The following ABR variants were observed in gnomAD, a reference collection of about 807,000 sequenced individuals.
ABR encodes the protein ABR activator of RhoGEF and GTPase, also known as active breakpoint cluster region-related protein.
ABR carries 35 observed loss-of-function variants against 107.2 expected under a neutral mutation model. That is an observed-to-expected ratio of 0.33 (90% CI 0.25 to 0.43). The LOEUF (loss-of-function observed/expected upper bound fraction) is 0.43, where lower values mean the gene tolerates loss of function less well. Ranked by LOEUF, ABR falls within the 20% of genes least tolerant of loss-of-function variation. ABR has a pLI of 1.00. For missense variants in ABR, 815 were observed against 1,115.2 expected, an observed-to-expected ratio of 0.73 and a Z score of 3.83; for synonymous variants, 498 against 462.0, an observed-to-expected ratio of 1.08 and a Z score of -1.00.
At chr17:1,083,682 A>C (rs2036412416) in intron 4 of ABR, 55 bp from the exon 5 acceptor site, 1 of 1,390,888 alleles carries the variant, frequency 7.2e-7, no homozygotes, top group African/African-American at 1.4e-5. Context: ...GGAGAGGATT[A>C]ATGAATGGAT....
At position 1,050,926 on chromosome 17, in the gene ABR, C is replaced by T. The variant is rs1391103325; in HGVS notation, c.1562-292G>A. ...CCCTCCCCACACTCTGCCCTTCCCA[C>T]CTCGGCCCTCCCCACACTCTGGCCT... On this transcript the variant is annotated intron_variant, in intron 14 of 22. Transcript: ENST00000302538. The surrounding 1 kb of genome is among the most constrained non-coding windows in gnomAD (Gnocchi z 4.6). Among the ~76,000 whole-genome samples, 1 of 148,852 alleles carries T rather than the reference C, an allele frequency of 6.7e-6. No individual in the cohort carries two copies. Among genetic ancestry groups the T allele is most frequent in the Admixed American group, 6.6e-5 (1 of 15,084 alleles).
intron 16 of ABR, among the ~76,000 whole-genome samples, chr17:1,043,910 CG>C (rs796354222): frequency 2.9e-4 from 44 of 152,218 alleles, no homozygotes; most frequent in African/African-American, 1.0e-3. Context: ...GGCCGGGGGG[CG>C]GGCAGGGGGT....
intron 2 of ABR, among the ~76,000 whole-genome samples, chr17:1,101,942 C>G (rs765968593): frequency 3.3e-5 from 5 of 152,044 alleles, no homozygotes; most frequent in East Asian, 1.9e-4. Flanking sequence ...ACCGTGTTAG[C>G]CAGGATGGTC....
intron 10 of ABR, among the ~76,000 whole-genome samples, chr17:1,060,566 A>C (rs1463909827): frequency 2.0e-5 from 3 of 152,188 alleles, no homozygotes; most frequent in Non-Finnish European, 4.4e-5. Context: ...AATACACCTC[A>C]AACTGTCAGC....
chr17:1,099,823 C>T (rs568133264), intron 3 of ABR, among the ~76,000 whole-genome samples: 2 of 152,208 alleles, frequency 1.3e-5, no homozygotes, highest in South Asian at 2.1e-4. Context: ...AGAGCTGTGC[C>T]GCTTCTCAAA....
chr17:1,220,905 G>A (rs570776832), intron 1 of ABR, among the ~76,000 whole-genome samples: 28 of 152,262 alleles, frequency 1.8e-4, no homozygotes, highest in African/African-American at 5.8e-4. Context: ...GACGGTCCCC[G>A]CTTTCCAGGA....
chr17:1,006,540 G>T (rs1297710784), intron 22 of ABR, among the ~76,000 whole-genome samples: 2 of 152,204 alleles, frequency 1.3e-5, no homozygotes, highest in South Asian at 4.1e-4. Context: ...TTCTGAGACT[G>T]AGGCCCTCCT....
intron 1 of ABR, among the ~76,000 whole-genome samples, chr17:1,226,407 A>G (rs1449165671): frequency 2.0e-5 from 3 of 152,056 alleles, no homozygotes; most frequent in Non-Finnish European, 4.4e-5. Context: ...CTGTGTATGC[A>G]TGTATGTGGC....
intron 2 of ABR, among the ~76,000 whole-genome samples, chr17:1,111,305 G>A (rs2151394337): frequency 6.6e-6 from 1 of 152,200 alleles, no homozygotes; most frequent in South Asian, 2.1e-4. Flanking sequence ...GAGTATCCAG[G>A]GCCTCTCTAC....
Position 1,005,381 on chromosome 17 carries a change from G to A in ABR, c.*699C>T, listed in dbSNP as rs750111852. 1.3e-5 allele frequency: 5 copies of A among 382,412 alleles called. No homozygotes were observed. Among genetic ancestry groups the A allele is most frequent in the Non-Finnish European group, 2.3e-5 (5 of 216,266 alleles). 23.7% of individuals were successfully genotyped at this position (382,412 alleles called of 1,614,324 possible). A position where few individuals can be genotyped will look rare whatever the true frequency, so the allele number is the denominator to read the frequency against. On this transcript the variant is annotated 3_prime_UTR_variant, in exon 23 of 23. Transcript: ENST00000302538. Reference sequence around the variant, plus strand: ...TCCAGCTCTGTGCTAAGCTGGGGACGAGTGTGAGTGTGTCTGCTTGTCCAA... The same window carrying A: ...TCCAGCTCTGTGCTAAGCTGGGGACAAGTGTGAGTGTGTCTGCTTGTCCAA...
chr17:1,052,264 CTG>C, intron 14 of ABR, among the ~76,000 whole-genome samples: 1 of 151,480 alleles, frequency 6.6e-6, no homozygotes, highest in Middle Eastern at 3.4e-3. Context: ...GGGAGTGGGC[CTG>C]TGTGTTTGAG....
chr17:1,175,118 C>T (rs1162888281), intron 1 of ABR, among the ~76,000 whole-genome samples: 1 of 152,150 alleles, frequency 6.6e-6, no homozygotes, highest in Non-Finnish European at 1.5e-5. Context: ...GGCATTATGA[C>T]CAAGAAAACA....
intron 2 of ABR, among the ~76,000 whole-genome samples, chr17:1,105,472 G>C (rs1219231609): frequency 6.6e-6 from 1 of 151,898 alleles, no homozygotes; most frequent in Non-Finnish European, 1.5e-5. Context: ...CGTGGGGCCC[G>C]CACTTAGAAA....
In ABR at chr17:1,092,041, G is replaced by A. The variant is rs1393784522; in HGVS notation, c.346-191C>T. Among the ~76,000 whole-genome samples, 6 of 152,104 alleles carry A rather than the reference G, an allele frequency of 3.9e-5. No homozygotes were observed. Among genetic ancestry groups the A allele is most frequent in the East Asian group, 1.9e-4 (1 of 5,180 alleles). On this transcript the variant is annotated intron_variant, in intron 3 of 22. Coordinates refer to ENST00000302538, the MANE Select transcript of ABR (RefSeq NM_021962.5). The surrounding 1 kb of genome is among the most constrained non-coding windows in gnomAD (Gnocchi z 4.6). ...ACAGGCCCCAACAAGCCGCACACTC[G>A]ACAGCAGGAACCTGGCCTGGCAGCT...
At chr17:1,185,654 T>TAAAA (rs775804045) in intron 1 of ABR, among the ~76,000 whole-genome samples, 11 of 39,352 alleles carry the variant, frequency 2.8e-4, no homozygotes, top group African/African-American at 4.8e-4. Flanking sequence ...CAGAAAGAAA[T>TAAAA]AAAAAAAAAA....
At chr17:1,106,778 C>T (rs1433283968) in intron 2 of ABR, among the ~76,000 whole-genome samples, 1 of 152,208 alleles carries the variant, frequency 6.6e-6, no homozygotes. Context: ...GATCCGCCCA[C>T]CTCAGCCTCC....
intron 4 of ABR, among the ~76,000 whole-genome samples, chr17:1,088,669 T>C (rs1036841518): frequency 5.3e-5 from 8 of 151,888 alleles, no homozygotes; most frequent in Non-Finnish European, 8.8e-5. Context: ...CACTACAACC[T>C]CTGCCTCCCG....
intron 1 of ABR, among the ~76,000 whole-genome samples, chr17:1,130,138 A>C (rs1206123917): frequency 6.6e-6 from 1 of 152,180 alleles, no homozygotes; most frequent in African/African-American, 2.4e-5. Flanking sequence ...TCATGATAAA[A>C]TGGTGGTGGT....
intron 16 of ABR, among the ~76,000 whole-genome samples, chr17:1,020,499 C>T (rs1475943947): frequency 6.6e-6 from 1 of 152,214 alleles, no homozygotes; most frequent in Non-Finnish European, 1.5e-5. Context: ...GACCAGGTCC[C>T]CTGCGGCGAA....
Sources: gnomAD v4.1 joint callset for allele counts (sites outside exome capture counted in the v4.1 genomes callset) on GRCh38, gnomAD v4.1.1 for gene constraint, Gnocchi (gnomAD v3.1) non-coding constraint, MANE v1.5 for transcripts, NCBI Gene and HGNC (gene_info 2026-07-23, HGNC 2026-07-21) for gene names.